ABLIM2: variants seen among roughly 807,000 people sequenced by gnomAD.
The protein encoded by ABLIM2 is actin binding LIM protein family member 2, also known as actin-binding LIM protein 2.
Under a neutral mutation model 97.7 loss-of-function variants are expected in ABLIM2, and 53 were observed. The observed-to-expected ratio is 0.54, with a 90% CI of 0.44 to 0.68. The LOEUF (loss-of-function observed/expected upper bound fraction) is 0.68. ABLIM2 is among the 30% of genes least tolerant of loss of function. The pLI is 0.00. For missense variants in ABLIM2, 835 were observed against 867.2 expected (o/e 0.96, Z 0.47); for synonymous variants, 361 against 345.8 (o/e 1.04, Z -0.49).
intron 10 of ABLIM2, among the ~76,000 whole-genome samples, chr4:8,034,473 GT>G: frequency 7.4e-6 from 1 of 136,044 alleles, no homozygotes. Context: ...GTGCTGGTGG[GT>G]GGTAGGTGGG....
intron 1 of ABLIM2, among the ~76,000 whole-genome samples, chr4:8,154,576 G>A (rs796267374): frequency 6.6e-5 from 10 of 152,092 alleles, no homozygotes; most frequent in South Asian, 6.2e-4. Context: ...CACCGCACCC[G>A]GCCAATTAAA....
rs2152925835 is a variant in ABLIM2, at chr4:8,127,918, T to C, written c.11-21281A>G. ...CCTCCATGTGTAGGGGCAGCAATAG[T>C]GAGCTCACAACCCCCACAGCCCCGC... On this transcript the variant is annotated intron_variant, in intron 1 of 20. Coordinates refer to ENST00000447017, the MANE Select transcript of ABLIM2 (RefSeq NM_001130083.2). The surrounding 1 kb of genome is among the most constrained non-coding windows in gnomAD (Gnocchi z 7.3). Among the ~76,000 whole-genome samples, 1 of 152,184 alleles carries C rather than the reference T, an allele frequency of 6.6e-6. No individual in the cohort carries two copies. The highest frequency in any genetic ancestry group is 1.9e-4 in the East Asian group (1 of 5,156).
At chr4:8,136,357 G>T (rs1850198614) in intron 1 of ABLIM2, among the ~76,000 whole-genome samples, 1 of 152,232 alleles carries the variant, frequency 6.6e-6, no homozygotes, top group Non-Finnish European at 1.5e-5. Context: ...GGATGGCATT[G>T]CTGGTTGCAC....
At position 8,069,185 on chromosome 4, in the gene ABLIM2, C is replaced by T. The variant is rs184707196; in HGVS notation, c.676-8131G>A. Among the ~76,000 whole-genome samples the T allele has an allele frequency of 1.0e-4, 16 of 152,396 alleles. No individual in the cohort carries two copies. Among genetic ancestry groups the T allele is most frequent in the Non-Finnish European group, 1.6e-4 (11 of 68,040 alleles). ...TGAGCCTCAGGAGCGCTTGGCCCAG[C>T]GGCCTCATTCTCTGCTGTACCCCGG... On this transcript the variant is annotated intron_variant, in intron 6 of 20. Coordinates refer to ENST00000447017, the MANE Select transcript of ABLIM2 (RefSeq NM_001130083.2). This position sits in a 1 kb window ranked among gnomAD's most constrained non-coding sequence, Gnocchi z 4.2.
intron 9 of ABLIM2, among the ~76,000 whole-genome samples, chr4:8,042,839 CA>C (rs35649540): frequency 0.021 from 1,282 of 62,388 alleles, 15 homozygotes; most frequent in African/African-American, 0.066. Context: ...AACTCCAACT[CA>C]AAAAAAAAAA....
At chr4:7,980,941 A>T (rs144412849) in intron 20 of ABLIM2, among the ~76,000 whole-genome samples, 1,078 of 82,688 alleles carry the variant, frequency 0.013, 4 homozygotes, top group East Asian at 0.038. Flanking sequence ...ACAACCCCTT[A>T]TTTTTTTTTT....
chr4:7,976,615 T>G (rs1733291529), intron 20 of ABLIM2, among the ~76,000 whole-genome samples: 1 of 152,162 alleles, frequency 6.6e-6, no homozygotes, highest in Non-Finnish European at 1.5e-5. Context: ...ACGGGTACTT[T>G]GTTGTTCCTG....
intron 16 of ABLIM2, among the ~76,000 whole-genome samples, chr4:7,994,494 A>G (rs2150015491): frequency 2.0e-5 from 1 of 50,020 alleles, no homozygotes; most frequent in South Asian, 9.1e-4. Flanking sequence ...AATCCAGTCT[A>G]TCATTGTTGG....
intron 20 of ABLIM2, among the ~76,000 whole-genome samples, chr4:7,982,019 C>T (rs1184282237): frequency 6.6e-6 from 1 of 152,162 alleles, no homozygotes. Flanking sequence ...TGCCTTCTCC[C>T]CTCTCTGGCC....
At chr4:8,158,573 G>T in intron 1 of ABLIM2, 107 bp downstream of exon 1, 1 of 1,359,502 alleles carries the variant, frequency 7.4e-7, no homozygotes, top group South Asian at 1.3e-5. Context: ...GGAGCCGCTG[G>T]GTGATTTTCC....
Position 7,971,298 on chromosome 4 carries a change from C to T in ABLIM2, c.1825-4195G>A, listed in dbSNP as rs577632815. Reference sequence around the variant, plus strand: ...GCTTTCTGGCCTCAAGCCAGCTCCTCTGACCCCAGGTTCCTGAAGGCCCTG... The same window carrying T: ...GCTTTCTGGCCTCAAGCCAGCTCCTTTGACCCCAGGTTCCTGAAGGCCCTG... On this transcript the variant is annotated intron_variant, in intron 20 of 20. Coordinates refer to ENST00000447017, the MANE Select transcript of ABLIM2 (RefSeq NM_001130083.2). 5.3e-5 allele frequency among the ~76,000 whole-genome samples: 8 copies of T among 152,308 alleles called. No homozygotes were observed. The South Asian group carries it at 6.2e-4, about 12-fold the overall frequency.
Position 8,150,999 on chromosome 4 carries a change from C to T in ABLIM2, c.10+7681G>A, listed in dbSNP as rs532042045. ...GCCCGTTCCCTGGTGCCTGCCGTGC[C>T]CAGGCCCTTGACTCTCACTCAGCAT... On this transcript the variant is annotated intron_variant, in intron 1 of 20. Transcript: ENST00000447017. The surrounding 1 kb of genome is among the most constrained non-coding windows in gnomAD (Gnocchi z 6.3). Among the ~76,000 whole-genome samples the T allele has an allele frequency of 6.6e-6, 1 of 152,282 alleles. No individual in the cohort carries two copies. Among genetic ancestry groups the T allele is most frequent in the African/African-American group, 2.4e-5 (1 of 41,552 alleles).
At position 8,123,313 on chromosome 4, in the gene ABLIM2, G is replaced by T. The variant is rs532232785; in HGVS notation, c.11-16676C>A. On this transcript the variant is annotated intron_variant, in intron 1 of 20. Coordinates refer to ENST00000447017, the MANE Select transcript of ABLIM2 (RefSeq NM_001130083.2). The surrounding 1 kb of genome is among the most constrained non-coding windows in gnomAD (Gnocchi z 6.2). ...TGAGAGGCGTTGTCACCCTCAGGCT[G>T]CAGGCAAGGGAACCCCATCTCAGAG... 1.1e-4 allele frequency among the ~76,000 whole-genome samples: 17 copies of T among 152,280 alleles called. No individual in the cohort carries two copies. The East Asian group carries it at 2.3e-3, about 21-fold the overall frequency.
chr4:7,982,021 T>G (rs1259646887), intron 20 of ABLIM2, among the ~76,000 whole-genome samples: 1 of 152,032 alleles, frequency 6.6e-6, no homozygotes, highest in Non-Finnish European at 1.5e-5. Flanking sequence ...CCTTCTCCCC[T>G]CTCTGGCCCC....
In ABLIM2 at chr4:8,147,408, A is replaced by G. The variant is rs1208480320; in HGVS notation, c.10+11272T>C. On this transcript the variant is annotated intron_variant, in intron 1 of 20. Coordinates refer to ENST00000447017, the MANE Select transcript of ABLIM2 (RefSeq NM_001130083.2). This position sits in a 1 kb window ranked among gnomAD's most constrained non-coding sequence, Gnocchi z 5.3. Reference sequence around the variant, plus strand: ...CCTCCCCCAGAAGATATCCCCATCTAATCGCTAAAACCTGTGACATATATG... The same window carrying G: ...CCTCCCCCAGAAGATATCCCCATCTGATCGCTAAAACCTGTGACATATATG... Among the ~76,000 whole-genome samples, 1 of 152,198 alleles carries G rather than the reference A, an allele frequency of 6.6e-6. No individual in the cohort carries two copies. The highest frequency in any genetic ancestry group is 1.9e-4 in the East Asian group (1 of 5,200).
At position 8,045,160 on chromosome 4, in the gene ABLIM2, T is replaced by TG; in HGVS notation, c.900+3_900+4insC. ...GCCGTCCCCATAAAAAGGCCCTGAC[T>TG]TACATAAATCACACGGCTCGGAGAC... On this transcript the variant is annotated splice_donor_region_variant and intron_variant, in intron 9 of 20. Transcript: ENST00000447017. 1 of 1,613,426 alleles carries TG rather than the reference T, an allele frequency of 6.2e-7. No individual in the cohort carries two copies. The highest frequency in any genetic ancestry group is 8.5e-7 in the Non-Finnish European group (1 of 1,179,440).
intron 1 of ABLIM2, among the ~76,000 whole-genome samples, chr4:8,153,065 T>A (rs1273680841): frequency 6.6e-6 from 1 of 152,140 alleles, no homozygotes; most frequent in Non-Finnish European, 1.5e-5. Context: ...GTTGATGGCA[T>A]CAGGCCAGCA....
At chr4:8,094,666 C>G (rs926806108) in intron 3 of ABLIM2, among the ~76,000 whole-genome samples, 6 of 152,236 alleles carry the variant, frequency 3.9e-5, no homozygotes, top group African/African-American at 1.2e-4. Flanking sequence ...GCCGGGCTGT[C>G]TGCCCGTGTA....
chr4:8,016,320 A>G (rs2150735570), intron 14 of ABLIM2, among the ~76,000 whole-genome samples: 1 of 152,326 alleles, frequency 6.6e-6, no homozygotes, highest in East Asian at 1.9e-4. Flanking sequence ...CTGGGATTAC[A>G]GGCATGAGCC....
Sources: allele counts gnomAD v4.1 joint callset (sites outside exome capture counted in the v4.1 genomes callset), GRCh38; gene constraint gnomAD v4.1.1; non-coding constraint Gnocchi (gnomAD v3.1); transcripts MANE v1.5; gene names NCBI Gene and HGNC (gene_info 2026-07-23, HGNC 2026-07-21).